CD8B: variants seen among roughly 807,000 people sequenced by gnomAD.
The protein encoded by CD8B is CD8 subunit beta.
In CD8B, 6 loss-of-function variants were observed where a neutral mutation model predicts 24.2. The observed-to-expected ratio is 0.25, with a 90% confidence interval of 0.14 to 0.49. CD8B has a LOEUF of 0.49. Ranked by LOEUF, CD8B falls within the 20% of genes least tolerant of loss-of-function variation. CD8B has a pLI of 0.98. For synonymous variants in CD8B, 84 were observed against 108.3 expected, an observed-to-expected ratio of 0.78 and a Z score of 1.39; for missense variants, 196 against 271.3, an observed-to-expected ratio of 0.72 and a Z score of 1.95.
chr2:86,856,557 G>C (rs1312030306), intron 2 of CD8B, among the ~76,000 whole-genome samples: 1 of 152,024 alleles, frequency 6.6e-6, no homozygotes, highest in African/African-American at 2.4e-5. Context: ...AGCTGCCCCT[G>C]CACTTCCTCA....
At chr2:86,820,486 G>A (rs188808315) in intron 5 of CD8B, among the ~76,000 whole-genome samples, 1 of 152,292 alleles carries the variant, frequency 6.6e-6, no homozygotes, top group Admixed American at 6.5e-5. Flanking sequence ...TGAAAGCTCA[G>A]GTGATTTTAG....
intron 5 of CD8B, chr2:86,821,689 G>T (rs1051390935): frequency 1.2e-5 from 5 of 426,016 alleles, no homozygotes; most frequent in Non-Finnish European, 2.4e-5. Context: ...CCCCCAAATG[G>T]AACATTTTCC....
rs1471017436 is a variant in CD8B, at chr2:86,841,847, C to T, written c.*460G>A. On this transcript the variant is annotated 3_prime_UTR_variant, in exon 6 of 6. Transcript: ENST00000390655. ...AGCCTCATTCCCAACCTGCACCTGGCCTCTCTGCGAGGAAGGTCAGCCCCA... is the reference window on the plus strand; with the variant it reads ...AGCCTCATTCCCAACCTGCACCTGGTCTCTCTGCGAGGAAGGTCAGCCCCA... 2.0e-6 allele frequency: 2 copies of T among 986,272 alleles called. No individual in the cohort carries two copies. The highest frequency in any genetic ancestry group is 2.4e-6 in the Non-Finnish European group (2 of 830,670). 61.1% of individuals were successfully genotyped at this position (986,272 alleles called of 1,614,324 possible).
At position 86,815,832 on chromosome 2, in the gene CD8B, C is replaced by G. The variant is rs143351163; in HGVS notation, c.621-114G>C. On this transcript the variant is annotated intron_variant, in intron 5 of 5. Transcript: ENST00000331469. ...GACTCAGTCGAGTCAGATGTTGTGT[C>G]AAATTCAACACAGAAAGAGCCAGGC... The G allele has an allele frequency of 9.7e-5, 68 of 704,440 alleles. No individual in the cohort carries two copies. The East Asian group carries it at 1.5e-3, about 15-fold the overall frequency. The allele number at this position is 704,440 out of a possible 1,614,324, so 43.6% of individuals were successfully genotyped here.
chr2:86,830,909 TATTA>T lies in CD8B; in HGVS notation c.620+14009_620+14012del, dbSNP rs544068989. The stretch of plus-strand genomic sequence containing the variant: ...TGCATTTAATTTTATTAGATTTTGT[TATTA>T]ATTAAATTACTAAATTTCTGGTTTC... On this transcript the variant is annotated intron_variant, in intron 5 of 5. Coordinates refer to the CD8B transcript ENST00000331469. Among the ~76,000 whole-genome samples the T allele has an allele frequency of 1.7e-3, 258 of 152,332 alleles. 1 individual carries two copies. The highest frequency in any genetic ancestry group is 6.0e-3 in the African/African-American group (248 of 41,580).
chr2:86,828,846 T>C (rs61020636), intron 5 of CD8B, among the ~76,000 whole-genome samples: 40,267 of 151,836 alleles, frequency 0.27, 5,715 homozygotes, highest in Non-Finnish European at 0.33. Context: ...ACTCTAGTTG[T>C]TCTAATAACT....
intron 5 of CD8B, among the ~76,000 whole-genome samples, chr2:86,823,319 G>A (rs1674551924): frequency 6.6e-6 from 1 of 152,068 alleles, no homozygotes; most frequent in Non-Finnish European, 1.5e-5. Context: ...TGTCACCCAG[G>A]CTGGTTGGTG....
chr2:86,823,888 A>T (rs1270056320), intron 5 of CD8B, among the ~76,000 whole-genome samples: 1 of 152,002 alleles, frequency 6.6e-6, no homozygotes, highest in Non-Finnish European at 1.5e-5. Context: ...TGTTTGTAGG[A>T]TGATGGGGAG....
At chr2:86,822,416 A>G in intron 5 of CD8B, 1 of 1,220,990 alleles carries the variant, frequency 8.2e-7, no homozygotes. Context: ...AAATGTTAAA[A>G]GCAATGGAAA....
chr2:86,837,357 G>A (rs921121425), downstream of CD8B, among the ~76,000 whole-genome samples: 2 of 152,176 alleles, frequency 1.3e-5, no homozygotes, highest in African/African-American at 2.4e-5. Flanking sequence ...GGAATCACAC[G>A]TGTCGTGCAT....
At chr2:86,821,688 G>A (rs1193354787) in intron 5 of CD8B, 1 of 423,072 alleles carries the variant, frequency 2.4e-6, no homozygotes, top group Non-Finnish European at 4.9e-6. Context: ...ACCCCCAAAT[G>A]GAACATTTTC....
At chr2:86,858,461 C>T in intron 1 of CD8B, 45 bp from the exon 2 acceptor site, 1 of 1,542,434 alleles carries the variant, frequency 6.5e-7, no homozygotes, top group Non-Finnish European at 8.7e-7. Flanking sequence ...TTCCTAGCCA[C>T]AGCTGTGGGA....
At chr2:86,859,538 A>G (rs1473450542) in intron 1 of CD8B, among the ~76,000 whole-genome samples, 1 of 152,210 alleles carries the variant, frequency 6.6e-6, no homozygotes, top group Non-Finnish European at 1.5e-5. Flanking sequence ...TGTAAACTGT[A>G]TGGCCATGTA....
At chr2:86,837,612 G>C (rs1199328488), downstream of CD8B, among the ~76,000 whole-genome samples, 2 of 149,474 alleles carry the variant, frequency 1.3e-5, no homozygotes, top group African/African-American at 2.5e-5. Context: ...CAGCCCACGC[G>C]GGGTCGGGGA....
At chr2:86,843,829 G>A (rs1322328666) in intron 5 of CD8B, among the ~76,000 whole-genome samples, 10 of 152,288 alleles carry the variant, frequency 6.6e-5, no homozygotes, top group African/African-American at 2.2e-4. Context: ...TCCGAGACTT[G>A]GAGACGTGAA....
At chr2:86,825,780 C>T (rs1420185706) in intron 5 of CD8B, among the ~76,000 whole-genome samples, 1 of 152,200 alleles carries the variant, frequency 6.6e-6, no homozygotes, top group Non-Finnish European at 1.5e-5. Context: ...CTAAGGGGGG[C>T]ATGGGAGCCC....
intron 5 of CD8B, among the ~76,000 whole-genome samples, chr2:86,844,133 A>G (rs996924829): frequency 2.6e-5 from 4 of 152,012 alleles, no homozygotes; most frequent in East Asian, 3.8e-4. Flanking sequence ...CCCAGGACCT[A>G]ATGTCACTGC....
Position 86,840,399 on chromosome 2 carries a change from C to A in CD8B, c.*1908G>T, listed in dbSNP as rs547820724. Among the ~76,000 whole-genome samples the A allele has an allele frequency of 1.2e-3, 189 of 152,350 alleles. No individual in the cohort carries two copies. Among genetic ancestry groups the A allele is most frequent in the Middle Eastern group, 3.4e-3 (1 of 294 alleles). On this transcript the variant is annotated 3_prime_UTR_variant, in exon 6 of 6. Coordinates refer to ENST00000390655, the MANE Select transcript of CD8B (RefSeq NM_004931.5). ...AACCAAGGATCAAAGGCTACTCTCC[C>A]TACAACCCTCCCCCTTCCACTGCAT...
chr2:86,861,812 C>T lies in CD8B; in HGVS notation c.43+11G>A. 3 of 1,272,776 alleles carry T rather than the reference C, an allele frequency of 2.4e-6. No homozygotes were observed. Among genetic ancestry groups the T allele is most frequent in the African/African-American group, 1.5e-5 (1 of 64,734 alleles). The allele number at this position is 1,272,776 out of a possible 1,614,324, so 78.8% of individuals were successfully genotyped here. A position where few individuals can be genotyped will look rare whatever the true frequency, so the allele number is the denominator to read the frequency against. On this transcript the variant is annotated intron_variant, in intron 1 of 5. Transcript: ENST00000390655. ...GCAGACCCTTGGGTAGCCCGCGCGC[C>T]GCCGCCTTACCTGTCAGCTGCGCGG...
Sources: allele counts gnomAD v4.1 joint callset (sites outside exome capture counted in the v4.1 genomes callset), GRCh38; gene constraint gnomAD v4.1.1; transcripts MANE v1.5; gene names NCBI Gene and HGNC (gene_info 2026-07-23, HGNC 2026-07-21).